The following TDRD9 variants were observed in gnomAD, a reference collection of about 807,000 sequenced individuals.
The protein encoded by TDRD9 is tudor domain containing 9, also known as ATP-dependent RNA helicase TDRD9.
TDRD9 carries 124 observed loss-of-function variants against 172.6 expected under a neutral mutation model. The ratio of observed to expected loss-of-function variants is 0.72; its 90% CI spans 0.62 to 0.83. The LOEUF is 0.83. Among genes scored for constraint, TDRD9 ranks in the 40% least tolerant of loss-of-function variants. TDRD9 has a pLI of 0.00. For missense variants in TDRD9, 1,479 were observed against 1,714.1 expected, an observed-to-expected ratio of 0.86 and a Z score of 2.42; for synonymous variants, 619 against 617.1, an observed-to-expected ratio of 1.00 and a Z score of -0.05.
At chr14:104,042,754 G>A (rs2035647055) in intron 34 of TDRD9, among the ~76,000 whole-genome samples, 1 of 152,096 alleles carries the variant, frequency 6.6e-6, no homozygotes, top group South Asian at 2.1e-4. Context: ...ACCCAGTCCT[G>A]TGCTCCTGCC....
rs995224902 is a variant in TDRD9, at chr14:103,980,761, C to T, written c.1011+5208C>T. On this transcript the variant is annotated intron_variant, in intron 7 of 35. Transcript: ENST00000409874. The surrounding 1 kb of genome is among the most constrained non-coding windows in gnomAD (Gnocchi z 4.5). ...ACGCTACCACTAGACCACGGCTAGA[C>T]CATGGTCCGCTTGGCAACGGGCGTC... 2.6e-5 allele frequency among the ~76,000 whole-genome samples: 4 copies of T among 152,082 alleles called. No homozygotes were observed. The highest frequency in any genetic ancestry group is 9.7e-5 in the African/African-American group (4 of 41,404).
intron 32 of TDRD9, among the ~76,000 whole-genome samples, chr14:104,035,603 C>T (rs530785362): frequency 2.6e-5 from 4 of 152,278 alleles, no homozygotes; most frequent in East Asian, 1.9e-4. Flanking sequence ...GGGCTGCTGC[C>T]GTGTAAGGTT....
intron 34 of TDRD9, among the ~76,000 whole-genome samples, chr14:104,046,486 C>T (rs1417777024): frequency 6.6e-6 from 1 of 152,084 alleles, no homozygotes; most frequent in East Asian, 1.9e-4. Flanking sequence ...TATACTTTTA[C>T]CATTGAATTG....
intron 34 of TDRD9, among the ~76,000 whole-genome samples, chr14:104,048,281 T>G (rs1216203628): frequency 6.6e-6 from 1 of 152,184 alleles, no homozygotes; most frequent in Non-Finnish European, 1.5e-5. Context: ...CTTTGTTGCC[T>G]AAGCTGGAGT....
At chr14:104,029,634 CTT>C (rs1459102764) in intron 28 of TDRD9, among the ~76,000 whole-genome samples, 2 of 152,122 alleles carry the variant, frequency 1.3e-5, no homozygotes, top group African/African-American at 4.8e-5. Flanking sequence ...GACATTTTGA[CTT>C]TCTCTTTTCT....
intron 8 of TDRD9, among the ~76,000 whole-genome samples, chr14:103,990,115 C>T (rs1278110961): frequency 6.6e-6 from 1 of 152,224 alleles, no homozygotes; most frequent in African/African-American, 2.4e-5. Context: ...AGCTCCCTTC[C>T]CCACTCACTG....
chr14:104,025,077 G>A (rs2035073989), intron 25 of TDRD9, among the ~76,000 whole-genome samples: 1 of 152,212 alleles, frequency 6.6e-6, no homozygotes, highest in African/African-American at 2.4e-5. Context: ...TGCCTTCTGG[G>A]TTCAAGCGAT....
intron 1 of TDRD9, among the ~76,000 whole-genome samples, chr14:103,932,666 C>G (rs771121338): frequency 2.0e-5 from 3 of 150,910 alleles, no homozygotes; most frequent in African/African-American, 7.3e-5. Flanking sequence ...GGATTACAGG[C>G]GTGAGGTACT....
intron 28 of TDRD9, among the ~76,000 whole-genome samples, chr14:104,029,360 G>A (rs1226156306): frequency 6.6e-6 from 1 of 151,990 alleles, no homozygotes; most frequent in Non-Finnish European, 1.5e-5. Flanking sequence ...TGCTTTAATT[G>A]ATATTTTGTA....
chr14:103,998,792 T>C (rs1043603539), intron 13 of TDRD9, 64 bp downstream of exon 13: 9 of 216,802 alleles, frequency 4.2e-5, no homozygotes, highest in South Asian at 3.9e-4. Context: ...ATTCAGGTGC[T>C]TTTTTTTTTT....
At position 104,052,095 on chromosome 14, in the gene TDRD9, G is replaced by T. The variant is rs1454881061; in HGVS notation, c.*13G>T. ...GCTCGGCACCTGAGCATGTCCACAG[G>T]TGGCCTCCAGCACACCCCTCAGGAA... On this transcript the variant is annotated 3_prime_UTR_variant, in exon 36 of 36. Transcript: ENST00000409874. 1.3e-6 allele frequency: 2 copies of T among 1,550,428 alleles called. No individual in the cohort carries two copies. Among genetic ancestry groups the T allele is most frequent in the Non-Finnish European group, 1.7e-6 (2 of 1,143,892 alleles).
intron 7 of TDRD9, among the ~76,000 whole-genome samples, chr14:103,976,149 T>C (rs1361556331): frequency 6.6e-6 from 1 of 152,252 alleles, no homozygotes; most frequent in Non-Finnish European, 1.5e-5. Context: ...TTTCTGTGCC[T>C]GACTTATTTC....
chr14:103,985,963 G>A (rs912638091), intron 7 of TDRD9, among the ~76,000 whole-genome samples: 2 of 152,108 alleles, frequency 1.3e-5, no homozygotes, highest in Non-Finnish European at 2.9e-5. Context: ...TGCATGTCTG[G>A]GCTCTCTGAG....
chr14:103,994,014 C>T (rs2033967451), intron 9 of TDRD9, among the ~76,000 whole-genome samples: 1 of 152,152 alleles, frequency 6.6e-6, no homozygotes, highest in Non-Finnish European at 1.5e-5. Flanking sequence ...TTTGCATGCT[C>T]ATTATAGAAA....
chr14:104,049,433 ATG>A, intron 34 of TDRD9, 173 bp from the exon 35 acceptor site: 1 of 485,648 alleles, frequency 2.1e-6, no homozygotes, highest in Non-Finnish European at 3.6e-6. Context: ...GCTTTTGAAT[ATG>A]CCATAGATTA....
At chr14:103,956,175 C>G (rs1360389423) in intron 2 of TDRD9, among the ~76,000 whole-genome samples, 3 of 125,760 alleles carry the variant, frequency 2.4e-5, no homozygotes, top group Non-Finnish European at 4.7e-5. Flanking sequence ...CGCAGTGGCT[C>G]ATGCCTGTAA....
At chr14:104,037,373 A>T (rs1189362242) in intron 32 of TDRD9, among the ~76,000 whole-genome samples, 1 of 152,168 alleles carries the variant, frequency 6.6e-6, no homozygotes, top group Non-Finnish European at 1.5e-5. Context: ...TGGCTGCTGC[A>T]CTAGAGGCTG....
chr14:104,032,353 C>T (rs191971384), intron 30 of TDRD9, among the ~76,000 whole-genome samples: 11 of 152,068 alleles, frequency 7.2e-5, no homozygotes, highest in Non-Finnish European at 5.9e-5. Context: ...ATTACAGGCA[C>T]GTGCCACCAC....
intron 33 of TDRD9, among the ~76,000 whole-genome samples, chr14:104,040,781 C>T (rs2035590616): frequency 6.6e-6 from 1 of 152,206 alleles, no homozygotes; most frequent in African/African-American, 2.4e-5. Context: ...GAGTGCAGAG[C>T]TGAGCTGCTT....
Sources: gnomAD v4.1 joint callset for allele counts (sites outside exome capture counted in the v4.1 genomes callset) on GRCh38, gnomAD v4.1.1 for gene constraint, Gnocchi (gnomAD v3.1) non-coding constraint, MANE v1.5 for transcripts, NCBI Gene and HGNC (gene_info 2026-07-23, HGNC 2026-07-21) for gene names.